FGF1: variants seen among roughly 807,000 people sequenced by gnomAD.
FGF1 encodes the protein beta-endothelial cell growth factor.
A neutral mutation model predicts 13.4 loss-of-function variants in FGF1; 9 were observed. The ratio of observed to expected loss-of-function variants is 0.67; its 90% CI spans 0.40 to 1.17. The LOEUF (loss-of-function observed/expected upper bound fraction) is 1.17. Among genes scored for constraint, FGF1 ranks in the 50% most tolerant of loss-of-function variants. The pLI, the probability that FGF1 is intolerant of heterozygous loss-of-function variation, is 0.01. For synonymous variants in FGF1, 93 were observed against 79.0 expected (o/e 1.18, Z -0.94); for missense variants, 156 against 192.7 (o/e 0.81, Z 1.13).
intron 1 of FGF1, among the ~76,000 whole-genome samples, chr5:142,666,918 AAAAAACAAAAAC>A (rs200503430): frequency 1.3e-5 from 2 of 151,994 alleles, no homozygotes; most frequent in East Asian, 1.9e-4. Flanking sequence ...GCCTTGTCTC[AAAAAACAAAAAC>A]AAAAACAAAA....
intron 1 of FGF1, among the ~76,000 whole-genome samples, chr5:142,656,582 A>G (rs1253874905): frequency 7.2e-5 from 11 of 152,368 alleles, no homozygotes; most frequent in East Asian, 3.9e-4. Flanking sequence ...CCAAACATCA[A>G]TGCATGAAAT....
chr5:142,610,586 C>T (rs1448532477), intron 2 of FGF1, among the ~76,000 whole-genome samples: 4 of 152,184 alleles, frequency 2.6e-5, no homozygotes, highest in Non-Finnish European at 1.5e-5. Context: ...ACAACATGAA[C>T]CTTCTCACAA....
At chr5:142,620,227 C>T (rs1470542978) in intron 1 of FGF1, among the ~76,000 whole-genome samples, 1 of 152,028 alleles carries the variant, frequency 6.6e-6, no homozygotes, top group Admixed American at 6.6e-5. Context: ...ACCATCCTGG[C>T]TAACACAGTG....
intron 1 of FGF1, among the ~76,000 whole-genome samples, chr5:142,669,834 G>A (rs1328314769): frequency 2.6e-5 from 4 of 152,140 alleles, no homozygotes; most frequent in Non-Finnish European, 5.9e-5. Context: ...AGCAGACAGC[G>A]GCAGCCACCC....
At chr5:142,628,459 G>A (rs895275167) in intron 1 of FGF1, among the ~76,000 whole-genome samples, 33 of 152,180 alleles carry the variant, frequency 2.2e-4, no homozygotes, top group African/African-American at 5.3e-4. Context: ...GCAGTGAGCC[G>A]AGATCGCACC....
intron 1 of FGF1, among the ~76,000 whole-genome samples, chr5:142,673,388 T>C (rs903415840): frequency 1.1e-4 from 17 of 152,290 alleles, no homozygotes; most frequent in Middle Eastern, 3.4e-3. Context: ...GAGAGGAGTA[T>C]TTACACACCA....
In FGF1 at chr5:142,600,715, A is replaced by G. The variant is rs1025459931; in HGVS notation, c.260T>C (p.Leu87Pro). Residue 87 changes from leucine to proline, a missense_variant, in exon 3 of 4, where the codon CTT becomes CCT. Leu to Pro is a moderately conservative substitution (Grantham distance 98, BLOSUM62 -3). Coordinates refer to ENST00000337706, the MANE Select transcript of FGF1 (RefSeq NM_000800.5). ...GQYLAMDTDG[L>P]LYGSQTPNEE... ...CTTCATACTTACTGAGCCGTATAAA[A>G]GCCCGTCGGTGTCCATGGCCAAGTA... The G allele has an allele frequency of 1.2e-6, 2 of 1,612,376 alleles. No homozygotes were observed. The highest frequency in any genetic ancestry group is 1.7e-6 in the Non-Finnish European group (2 of 1,178,408).
intron 1 of FGF1, among the ~76,000 whole-genome samples, chr5:142,645,333 C>T (rs1765841711): frequency 6.6e-6 from 1 of 152,178 alleles, no homozygotes; most frequent in Non-Finnish European, 1.5e-5. Context: ...CACACGGCAC[C>T]TCACTCTTTG....
At chr5:142,665,878 G>A (rs1241057436) in intron 1 of FGF1, among the ~76,000 whole-genome samples, 2 of 152,090 alleles carry the variant, frequency 1.3e-5, no homozygotes, top group Non-Finnish European at 2.9e-5. Flanking sequence ...TTCTTTTCTC[G>A]ATCCCCAGTC....
intron 2 of FGF1, among the ~76,000 whole-genome samples, chr5:142,606,244 G>A (rs865917096): frequency 3.4e-5 from 5 of 147,954 alleles, no homozygotes; most frequent in East Asian, 2.0e-4. Flanking sequence ...GTGTGTGTGT[G>A]TATGTAGTTT....
At chr5:142,619,101 A>C (rs1457469659) in intron 1 of FGF1, among the ~76,000 whole-genome samples, 2 of 151,494 alleles carry the variant, frequency 1.3e-5, no homozygotes, top group African/African-American at 2.4e-5. Context: ...CGCCCGGCTA[A>C]TTTTTTGTAT....
At chr5:142,689,236 G>A (rs1352886285), upstream of FGF1, among the ~76,000 whole-genome samples, 1 of 152,152 alleles carries the variant, frequency 6.6e-6, no homozygotes, top group Admixed American at 6.5e-5. Context: ...ACCGTGTTCA[G>A]GCACAACAAA....
chr5:142,624,297 G>A (rs1241464786), intron 1 of FGF1, among the ~76,000 whole-genome samples: 1 of 152,066 alleles, frequency 6.6e-6, no homozygotes, highest in Non-Finnish European at 1.5e-5. Flanking sequence ...AAACTTCTAG[G>A]CTCAAGCAAT....
At chr5:142,645,221 C>G (rs572093114) in intron 1 of FGF1, among the ~76,000 whole-genome samples, 2 of 152,286 alleles carry the variant, frequency 1.3e-5, no homozygotes, top group Admixed American at 1.3e-4. Flanking sequence ...AGTGAGTATT[C>G]CCTGATGGCG....
At chr5:142,658,241 C>T (rs781608250) in intron 1 of FGF1, among the ~76,000 whole-genome samples, 3 of 152,206 alleles carry the variant, frequency 2.0e-5, no homozygotes, top group Non-Finnish European at 4.4e-5. Context: ...ATATTCCTTC[C>T]ATCAGTGTCT....
At chr5:142,691,584 G>A (rs1373251928) in intron 2 of FGF1, among the ~76,000 whole-genome samples, 1 of 152,042 alleles carries the variant, frequency 6.6e-6, no homozygotes. Context: ...TATATACTCA[G>A]TACCGAGACC....
chr5:142,638,333 C>T (rs1283372261), intron 1 of FGF1, among the ~76,000 whole-genome samples: 2 of 152,022 alleles, frequency 1.3e-5, no homozygotes, highest in Admixed American at 6.5e-5. Context: ...CCACCTGCTA[C>T]GACCCCCAGG....
chr5:142,638,744 T>C (rs11749018), intron 1 of FGF1, among the ~76,000 whole-genome samples: 72,406 of 151,794 alleles, frequency 0.48, 17,631 homozygotes, highest in Middle Eastern at 0.53. Context: ...AGAGAAAACC[T>C]ATGCAATGGG....
intron 1 of FGF1, among the ~76,000 whole-genome samples, chr5:142,641,894 T>G (rs1383774174): frequency 6.6e-6 from 1 of 150,596 alleles, no homozygotes; most frequent in Non-Finnish European, 1.5e-5. Flanking sequence ...GGCTAAGAGG[T>G]ATTTCAGGCA....
Sources: allele counts gnomAD v4.1 joint callset (sites outside exome capture counted in the v4.1 genomes callset), GRCh38; gene constraint gnomAD v4.1.1; transcripts MANE v1.5; gene names NCBI Gene and HGNC (gene_info 2026-07-23, HGNC 2026-07-21).